MYT1: variants seen among roughly 807,000 people sequenced by gnomAD.
MYT1 encodes the protein myelin transcription factor 1, also known as myelin transcription factor I.
In MYT1, 23 loss-of-function variants were observed where a neutral mutation model predicts 123.0. The ratio of observed to expected loss-of-function variants is 0.19; its 90% CI spans 0.13 to 0.26. The LOEUF (loss-of-function observed/expected upper bound fraction) is 0.26. Ranked by LOEUF, MYT1 falls within the 10% of genes least tolerant of loss-of-function variation. The pLI, the probability that MYT1 is intolerant of heterozygous loss-of-function variation, is 1.00. For missense variants in MYT1, 1,125 were observed against 1,472.5 expected (o/e 0.76, Z 3.86); for synonymous variants, 518 against 575.3 (o/e 0.90, Z 1.43).
rs1471229743 is a variant in MYT1 at position 64,218,841 on chromosome 20, C to T, written c.1847-70C>T. On this transcript the variant is annotated intron_variant, in intron 11 of 22. Transcript: ENST00000328439. This position sits in a 1 kb window ranked among gnomAD's most constrained non-coding sequence, Gnocchi z 4.0. ...TTCCCTTTTTGCAGCCAAACCTTTCCCAAAGGCCTCTTCCCCCAGGCACAG... is the reference window on the plus strand; with the variant it reads ...TTCCCTTTTTGCAGCCAAACCTTTCTCAAAGGCCTCTTCCCCCAGGCACAG... 1.2e-6 allele frequency: 2 copies of T among 1,607,312 alleles called. No homozygotes were observed. Among genetic ancestry groups the T allele is most frequent in the Non-Finnish European group, 1.7e-6 (2 of 1,178,198 alleles).
At chr20:64,199,517 G>A (rs1312561938) in intron 3 of MYT1, among the ~76,000 whole-genome samples, 1 of 152,206 alleles carries the variant, frequency 6.6e-6, no homozygotes, top group African/African-American at 2.4e-5. Context: ...TGATCTGGTG[G>A]TTTGTGTTTC....
chr20:64,224,305 G>A (rs1984102404), intron 16 of MYT1, among the ~76,000 whole-genome samples: 1 of 152,130 alleles, frequency 6.6e-6, no homozygotes, highest in African/African-American at 2.4e-5. Context: ...TCCATTCTGG[G>A]GCCAGACAGG....
rs1415530570 is a variant in MYT1, at chr20:64,179,191, C to T, written c.-98-10872C>T. 4.0e-5 allele frequency among the ~76,000 whole-genome samples: 6 copies of T among 151,122 alleles called. No homozygotes were observed. The East Asian group carries it at 7.9e-4, about 20-fold the overall frequency. On this transcript the variant is annotated intron_variant, in intron 1 of 22. Transcript: ENST00000328439. ...CACTGAGCCGTTATTCGGTGAGATA[C>T]CCTTCAACGTGGGAGCACTGAGCCA...
chr20:64,210,607 G>T (rs1983638818), intron 7 of MYT1, among the ~76,000 whole-genome samples: 2 of 152,216 alleles, frequency 1.3e-5, no homozygotes, highest in Admixed American at 1.3e-4. Context: ...AAAGGGGACA[G>T]CTCTCGTCCA....
chr20:64,201,205 C>G (rs1035402176), intron 4 of MYT1, among the ~76,000 whole-genome samples: 1 of 152,160 alleles, frequency 6.6e-6, no homozygotes, highest in African/African-American at 2.4e-5. Context: ...GCAGGGTGCT[C>G]TCTTGTAGCT....
chr20:64,239,215 G>T (rs1984640447), intron 21 of MYT1, among the ~76,000 whole-genome samples: 1 of 152,226 alleles, frequency 6.6e-6, no homozygotes, highest in South Asian at 2.1e-4. Context: ...TTGGCCTGGG[G>T]AAGTCGTGCT....
intron 16 of MYT1, among the ~76,000 whole-genome samples, chr20:64,224,320 T>C (rs1984103055): frequency 6.6e-6 from 1 of 152,202 alleles, no homozygotes; most frequent in African/African-American, 2.4e-5. Flanking sequence ...GACAGGATCC[T>C]GGGCACTGGT....
intron 16 of MYT1, 139 bp downstream of exon 16, chr20:64,223,498 G>A (rs1984073845): frequency 1.0e-6 from 1 of 960,582 alleles, no homozygotes; most frequent in Non-Finnish European, 1.6e-6. Flanking sequence ...ATGGGCAGAG[G>A]GGCAGGGCCG....
At chr20:64,169,710 A>G (rs563320209) in intron 1 of MYT1, among the ~76,000 whole-genome samples, 28 of 152,310 alleles carry the variant, frequency 1.8e-4, no homozygotes, top group African/African-American at 5.8e-4. Context: ...ACGACTTACT[A>G]TGGTTAACAT....
chr20:64,211,202 T>G lies in MYT1; in HGVS notation c.1292-4T>G. 6.2e-7 allele frequency: 1 copy of G among 1,612,016 alleles called. No homozygotes were observed. The highest frequency in any genetic ancestry group is 8.5e-7 in the Non-Finnish European group (1 of 1,178,708). ...CTCTAACTGATGTGACTTGTGTGTT[T>G]TAGATCCTTCAAGAGCTGAGAAGCG... On this transcript the variant is annotated splice_polypyrimidine_tract_variant and splice_region_variant and intron_variant, in intron 7 of 22. Coordinates refer to ENST00000328439, the MANE Select transcript of MYT1 (RefSeq NM_004535.3).
rs113054515 is a variant in MYT1, at chr20:64,186,879, G to A, written c.-98-3184G>A. On this transcript the variant is annotated intron_variant, in intron 1 of 22. Coordinates refer to ENST00000328439, the MANE Select transcript of MYT1 (RefSeq NM_004535.3). The surrounding 1 kb of genome is among the most constrained non-coding windows in gnomAD (Gnocchi z 4.3). ...ACGTGGCTCCGGCATCCACGTTTCC[G>A]TGGAGACTTTTCCTGTAGCCCGTGG... Among the ~76,000 whole-genome samples, 1,517 of 146,200 alleles carry A rather than the reference G, an allele frequency of 0.01. 21 individuals carry two copies. Among genetic ancestry groups the A allele is most frequent in the African/African-American group, 0.037 (1,430 of 38,732 alleles).
rs1983916373 is a variant in MYT1, at chr20:64,218,921, C to T, written c.1857C>T (p.Tyr619=). The T allele has an allele frequency of 6.2e-7, 1 of 1,613,552 alleles. No homozygotes were observed. The highest frequency in any genetic ancestry group is 8.5e-7 in the Non-Finnish European group (1 of 1,180,058). ...CATCCTCTTCTGCAGGCTTTGACTA[C>T]TCGCAGGACGCCGAGGCTGCACACA... ...TSPKAFQCFD[Y]SQDAEAAHMA... The change falls in exon 12 of 23, where the codon TAC becomes TAT. Residue 619 remains tyrosine, a synonymous_variant. Coordinates refer to ENST00000328439, the MANE Select transcript of MYT1 (RefSeq NM_004535.3). This position sits in a 1 kb window ranked among gnomAD's most constrained non-coding sequence, Gnocchi z 4.0.
intron 10 of MYT1, among the ~76,000 whole-genome samples, chr20:64,215,576 G>A (rs1389839426): frequency 6.6e-6 from 1 of 151,830 alleles, no homozygotes; most frequent in East Asian, 1.9e-4. Context: ...CCAATGTTAA[G>A]CTTATTATTA....
intron 1 of MYT1, among the ~76,000 whole-genome samples, chr20:64,171,043 G>A (rs1982263119): frequency 6.7e-6 from 1 of 150,022 alleles, no homozygotes; most frequent in Non-Finnish European, 1.5e-5. Flanking sequence ...CCAAGTAGCT[G>A]GGACTGCAGA....
intron 16 of MYT1, among the ~76,000 whole-genome samples, chr20:64,224,067 G>A (rs901988339): frequency 6.6e-6 from 1 of 152,188 alleles, no homozygotes; most frequent in Admixed American, 6.5e-5. Flanking sequence ...TGGAGTCAGG[G>A]ACTGTTACTG....
In MYT1 at chr20:64,188,273, C is replaced by T. The variant is rs535344261; in HGVS notation, c.-98-1790C>T. On this transcript the variant is annotated intron_variant, in intron 1 of 22. Coordinates refer to ENST00000328439, the MANE Select transcript of MYT1 (RefSeq NM_004535.3). Reference sequence around the variant, plus strand: ...CTCAGCGCAGAACTCAGGGGAGTCGCACTCGGGAGAGGCAGCGTCTCCTCT... The same window carrying T: ...CTCAGCGCAGAACTCAGGGGAGTCGTACTCGGGAGAGGCAGCGTCTCCTCT... Among the ~76,000 whole-genome samples, 4 of 152,300 alleles carry T rather than the reference C, an allele frequency of 2.6e-5. No homozygotes were observed. In the South Asian group the frequency reaches 8.3e-4, roughly 32 times the overall value.
chr20:64,232,203 C>T lies in MYT1; in HGVS notation c.2715C>T (p.Ser905=), dbSNP rs758487002. The change falls in exon 19 of 23, where the codon AGC becomes AGT. Residue 905 remains serine, a synonymous_variant. Transcript: ENST00000328439. The surrounding 1 kb of genome is among the most constrained non-coding windows in gnomAD (Gnocchi z 6.9). Reference sequence around the variant, plus strand: ...GCTGTGTGGGGCTCGGTCACATCAGCGGGAAATACGCCTCTCACAGGAGCG... The same window carrying T: ...GCTGTGTGGGGCTCGGTCACATCAGTGGGAAATACGCCTCTCACAGGAGCG... The part of the protein sequence containing the change: ...VPGCVGLGHI[S]GKYASHRSAS... 2.3e-5 allele frequency: 37 copies of T among 1,612,726 alleles called. No individual in the cohort carries two copies. Among genetic ancestry groups the T allele is most frequent in the African/African-American group, 1.3e-4 (10 of 74,808 alleles).
chr20:64,177,437 A>G (rs932570079), intron 1 of MYT1, among the ~76,000 whole-genome samples: 1 of 151,708 alleles, frequency 6.6e-6, no homozygotes, highest in East Asian at 1.9e-4. Context: ...CCTCGGTCCC[A>G]TTTGTGTTTC....
intron 1 of MYT1, among the ~76,000 whole-genome samples, chr20:64,178,491 A>G (rs1982535890): frequency 6.6e-6 from 1 of 151,984 alleles, no homozygotes; most frequent in African/African-American, 2.4e-5. Context: ...ATTCAGTGGG[A>G]TACCCTTCAA....
Sources: allele counts gnomAD v4.1 joint callset (sites outside exome capture counted in the v4.1 genomes callset), GRCh38; gene constraint gnomAD v4.1.1; non-coding constraint Gnocchi (gnomAD v3.1); transcripts MANE v1.5; gene names NCBI Gene and HGNC (gene_info 2026-07-23, HGNC 2026-07-21).